Variants in NEBL observed in about 807,000 individuals in gnomAD.
NEBL encodes the protein LIM and SH3 protein 2.
In NEBL, 122 loss-of-function variants were observed where a neutral mutation model predicts 140.2. That is an observed-to-expected ratio of 0.87 (90% CI 0.75 to 1.01). The LOEUF (loss-of-function observed/expected upper bound fraction) is 1.01, where lower values mean the gene tolerates loss of function less well. Ranked by LOEUF, NEBL falls within the 50% of genes least tolerant of loss-of-function variation. The pLI, the probability that NEBL is intolerant of heterozygous loss-of-function variation, is 0.00. For synonymous variants in NEBL, 436 were observed against 398.9 expected (o/e 1.09, Z -1.11); for missense variants, 1,365 against 1,231.3 (o/e 1.11, Z -1.62).
chr10:20,969,965 C>T (rs1482803687), intron 3 of NEBL, among the ~76,000 whole-genome samples: 2 of 152,134 alleles, frequency 1.3e-5, no homozygotes, highest in Non-Finnish European at 2.9e-5. Flanking sequence ...TTGTCTTGGG[C>T]CCTGACTCCA....
At chr10:20,983,967 C>T (rs1837152957) in intron 3 of NEBL, among the ~76,000 whole-genome samples, 1 of 152,084 alleles carries the variant, frequency 6.6e-6, no homozygotes, top group African/African-American at 2.4e-5. Context: ...CCTAATATAT[C>T]TATTTTGCAA....
rs139608088 is a variant in NEBL at position 20,852,683 on chromosome 10, C to T, written c.904-34G>A. The T allele has an allele frequency of 1.4e-5, 21 of 1,475,104 alleles. No individual in the cohort carries two copies. The African/African-American group carries it at 2.6e-4, about 18-fold the overall frequency. 91.4% of individuals were successfully genotyped at this position (1,475,104 alleles called of 1,614,324 possible). On this transcript the variant is annotated intron_variant, in intron 9 of 27. Transcript: ENST00000377122. ...CAGAATGGGGAAATCAACTTAGAATCAAAGAGACTGATTAGAGCAATAAAT... is the reference window on the plus strand; with the variant it reads ...CAGAATGGGGAAATCAACTTAGAATTAAAGAGACTGATTAGAGCAATAAAT...
chr10:20,792,378 T>C (rs978394485), intron 26 of NEBL, among the ~76,000 whole-genome samples: 1 of 152,136 alleles, frequency 6.6e-6, no homozygotes, highest in African/African-American at 2.4e-5. Context: ...CTTAATGAGG[T>C]TTTGTTTTTC....
intron 11 of NEBL, among the ~76,000 whole-genome samples, chr10:20,850,156 G>A (rs987035485): frequency 2.0e-5 from 3 of 152,056 alleles, no homozygotes; most frequent in East Asian, 3.9e-4. Context: ...GAACTGAGGG[G>A]GATTTTAAAA....
intron 3 of NEBL, among the ~76,000 whole-genome samples, chr10:21,003,690 G>A (rs1001961737): frequency 6.6e-6 from 1 of 152,134 alleles, no homozygotes; most frequent in Admixed American, 6.5e-5. Context: ...AGGTTCTCAG[G>A]CAGGATCTTT....
At chr10:21,090,020 C>T (rs1232651727) in intron 2 of NEBL, among the ~76,000 whole-genome samples, 2 of 152,098 alleles carry the variant, frequency 1.3e-5, no homozygotes, top group Admixed American at 6.6e-5. Flanking sequence ...CAGATCTCTG[C>T]CCCAAGTCCC....
chr10:20,944,714 C>T (rs1835071716), intron 4 of NEBL, among the ~76,000 whole-genome samples: 1 of 152,212 alleles, frequency 6.6e-6, no homozygotes, highest in African/African-American at 2.4e-5. Flanking sequence ...ACACAGACAC[C>T]TTTGCTCAAC....
At chr10:21,100,630 A>G (rs1374035949) in intron 2 of NEBL, among the ~76,000 whole-genome samples, 1 of 152,106 alleles carries the variant, frequency 6.6e-6, no homozygotes. Flanking sequence ...TTTTCTTTAG[A>G]TCATTTCTAA....
At chr10:21,238,240 G>A (rs75406503) in intron 3 of NEBL, among the ~76,000 whole-genome samples, 1,771 of 152,314 alleles carry the variant, frequency 0.012, 33 homozygotes, top group African/African-American at 0.04. Flanking sequence ...CACATTTTCC[G>A]TAAAGTGAGT....
chr10:20,845,301 G>T lies in NEBL; in HGVS notation c.1184C>A (p.Pro395Gln). The T allele has an allele frequency of 6.2e-7, 1 of 1,604,488 alleles. No homozygotes were observed. ...GATGTACTTTACATGTAAAAATTCT[G>T]GAGTCTTGTCTAAATCCAGTGATGA... ...GRSSLDLDKT[P>Q]EFLHVKYITN... Residue 395 changes from proline (P) to glutamine (Q), a missense_variant, in exon 12 of 28, where the codon CCA (proline) becomes CAA (glutamine). By Grantham distance (76) the Pro-to-Gln change is moderately conservative. Coordinates refer to ENST00000377122, the MANE Select transcript of NEBL (RefSeq NM_006393.3).
At chr10:20,971,045 C>T (rs563449254) in intron 3 of NEBL, among the ~76,000 whole-genome samples, 94 of 152,258 alleles carry the variant, frequency 6.2e-4, no homozygotes, top group African/African-American at 2.2e-3. Flanking sequence ...CCTGTAGTGC[C>T]ACAAAAGAGA....
chr10:20,808,410 G>T (rs1276901010), intron 26 of NEBL, 100 bp downstream of exon 26: 2 of 1,216,520 alleles, frequency 1.6e-6, no homozygotes, highest in African/African-American at 1.5e-5. Flanking sequence ...ATACAGCCAG[G>T]ATAGATGTTC....
At chr10:20,859,368 T>G (rs1278438778) in intron 8 of NEBL, among the ~76,000 whole-genome samples, 1 of 152,032 alleles carries the variant, frequency 6.6e-6, no homozygotes, top group East Asian at 1.9e-4. Context: ...TACAATAAAC[T>G]CAATTTCATA....
At chr10:20,791,592 G>T (rs1835986274) in intron 26 of NEBL, among the ~76,000 whole-genome samples, 1 of 151,434 alleles carries the variant, frequency 6.6e-6, no homozygotes, top group South Asian at 2.1e-4. Context: ...ACAGGATCTT[G>T]CTACATTGCC....
At chr10:20,952,904 C>CAAAAAAAAAA (rs34713711) in intron 4 of NEBL, among the ~76,000 whole-genome samples, 9 of 62,264 alleles carry the variant, frequency 1.4e-4, no homozygotes, top group African/African-American at 2.9e-4. Context: ...GACCCTGTCT[C>CAAAAAAAAAA]AAAAAAAAAA....
chr10:20,822,702 G>T (rs376662936), intron 19 of NEBL, among the ~76,000 whole-genome samples: 15 of 143,694 alleles, frequency 1.0e-4, no homozygotes, highest in African/African-American at 3.5e-4. Flanking sequence ...AGAGACTATA[G>T]ATACGTATAT....
intron 12 of NEBL, among the ~76,000 whole-genome samples, chr10:20,843,725 T>A (rs370173091): frequency 1.3e-5 from 2 of 152,128 alleles, no homozygotes; most frequent in East Asian, 1.9e-4. Context: ...TACATATTTA[T>A]GGGATACAGA....
At chr10:21,271,607 C>T (rs976591459) in intron 1 of NEBL, among the ~76,000 whole-genome samples, 4 of 151,202 alleles carry the variant, frequency 2.6e-5, no homozygotes, top group African/African-American at 7.3e-5. Flanking sequence ...CTCACTGCAA[C>T]CTCCACCTCC....
At position 20,914,761 on chromosome 10, in the gene NEBL, T is replaced by C. The variant is rs547378419; in HGVS notation, c.357+46911A>G. Among the ~76,000 whole-genome samples the C allele has an allele frequency of 5.9e-5, 9 of 152,216 alleles. No individual in the cohort carries two copies. The South Asian group carries it at 1.7e-3, about 28-fold the overall frequency. ...GATGACAGAGTAAAAACAATAGAAA[T>C]GGAAATTTCAAATAATTGAGACAAT... On this transcript the variant is annotated intron_variant, in intron 4 of 6. Coordinates refer to the NEBL transcript ENST00000417816.
Sources: gnomAD v4.1 joint callset for allele counts (sites outside exome capture counted in the v4.1 genomes callset) on GRCh38, gnomAD v4.1.1 for gene constraint, MANE v1.5 for transcripts, NCBI Gene and HGNC (gene_info 2026-07-23, HGNC 2026-07-21) for gene names.